The following ARHGEF26 variants were observed in gnomAD, a reference collection of about 807,000 sequenced individuals.
ARHGEF26 encodes the protein Rho guanine nucleotide exchange factor (GEF) 26.
ARHGEF26 carries 59 observed loss-of-function variants against 89.4 expected under a neutral mutation model. The ratio of observed to expected loss-of-function variants is 0.66; its 90% CI spans 0.54 to 0.82. The LOEUF (loss-of-function observed/expected upper bound fraction) is 0.82, where lower values mean the gene tolerates loss of function less well. Ranked by LOEUF, ARHGEF26 falls within the 40% of genes least tolerant of loss-of-function variation. The probability of loss-of-function intolerance (pLI) is 0.00; values close to 1 mark genes in which losing one functional copy is unlikely to be tolerated. For missense variants in ARHGEF26, 1,234 were observed against 1,085.6 expected (o/e 1.14, Z -1.92); for synonymous variants, 500 against 428.4 (o/e 1.17, Z -2.06).
intron 9 of ARHGEF26, among the ~76,000 whole-genome samples, chr3:154,215,869 A>G (rs558896365): frequency 1.5e-4 from 23 of 152,314 alleles, no homozygotes; most frequent in Middle Eastern, 3.4e-3. Flanking sequence ...TAGGATTTCA[A>G]CATGAATATG....
intron 6 of ARHGEF26, among the ~76,000 whole-genome samples, chr3:154,153,254 GAA>G (rs1307081536): frequency 2.6e-5 from 4 of 152,040 alleles, no homozygotes; most frequent in African/African-American, 9.7e-5. Context: ...TTTCAGTAAA[GAA>G]AGAGTAAGCC....
rs1012369998 is a variant in ARHGEF26, at chr3:154,153,874, A to G, written c.1487+942A>G. 8.5e-5 allele frequency among the ~76,000 whole-genome samples: 13 copies of G among 152,094 alleles called. 1 individual carries two copies. The highest frequency in any genetic ancestry group is 7.9e-4 in the Admixed American group (12 of 15,250). The stretch of plus-strand genomic sequence containing the variant: ...TTTTTACCTCTATCCTGGAGATTAT[A>G]GCATGTCTGCACATTAAAACTTTCC... On this transcript the variant is annotated intron_variant, in intron 6 of 14. Coordinates refer to ENST00000465093, the MANE Select transcript of ARHGEF26 (RefSeq NM_015595.4).
At chr3:154,200,251 G>C (rs1324567653) in intron 9 of ARHGEF26, among the ~76,000 whole-genome samples, 7 of 152,114 alleles carry the variant, frequency 4.6e-5, no homozygotes, top group African/African-American at 1.4e-4. Flanking sequence ...GTAAGAGATA[G>C]GGGTATAGTT....
chr3:154,122,742 C>A lies in ARHGEF26; in HGVS notation c.750C>A (p.Ile250=), dbSNP rs188991834. ...PAALKVGKQQ[I]IPKSLASEIK... ...CCCTCAAAGTGGGGAAGCAGCAGATCATTCCGAAGAGTCTGGCCTCGGAAA... is the reference window on the plus strand; with the variant it reads ...CCCTCAAAGTGGGGAAGCAGCAGATAATTCCGAAGAGTCTGGCCTCGGAAA... Residue 250 remains isoleucine, a synonymous_variant, in exon 2 of 15, where the codon ATC becomes ATA. Coordinates refer to ENST00000465093, the MANE Select transcript of ARHGEF26 (RefSeq NM_015595.4). 2.5e-6 allele frequency: 4 copies of A among 1,612,676 alleles called. No homozygotes were observed. The African/African-American group carries it at 4.0e-5, about 16-fold the overall frequency.
intron 10 of ARHGEF26, among the ~76,000 whole-genome samples, chr3:154,224,739 G>A (rs1716368225): frequency 6.6e-6 from 1 of 152,148 alleles, no homozygotes; most frequent in South Asian, 2.1e-4. Context: ...AGCCAGTTTT[G>A]AAAAGTTTGG....
intron 6 of ARHGEF26, among the ~76,000 whole-genome samples, chr3:154,175,430 T>A (rs1712749782): frequency 6.9e-6 from 1 of 145,458 alleles, no homozygotes; most frequent in Non-Finnish European, 1.5e-5. Flanking sequence ...TTCAAGCTAG[T>A]GTTAAAAAAA....
chr3:154,166,530 C>A (rs1403377337), intron 6 of ARHGEF26, among the ~76,000 whole-genome samples: 1 of 152,246 alleles, frequency 6.6e-6, no homozygotes, highest in East Asian at 1.9e-4. Flanking sequence ...AATTGTTGAA[C>A]AACATCTTTG....
At chr3:154,242,437 C>T (rs1408475889) in intron 12 of ARHGEF26, among the ~76,000 whole-genome samples, 2 of 152,164 alleles carry the variant, frequency 1.3e-5, no homozygotes, top group African/African-American at 2.4e-5. Context: ...ATGGAAATAG[C>T]GAGAGAACTA....
Position 154,210,595 on chromosome 3 carries a change from G to A in ARHGEF26, c.1846-7274G>A, listed in dbSNP as rs111687698. ...CTCCCAAAATGCTGGGATGACAGGC[G>A]TGAGCCACTGCACCTGGCCGCCAAT... On this transcript the variant is annotated intron_variant, in intron 9 of 14. Transcript: ENST00000465093. Among the ~76,000 whole-genome samples the A allele has an allele frequency of 2.9e-3, 438 of 151,880 alleles. 3 individuals carry two copies. Among genetic ancestry groups the A allele is most frequent in the African/African-American group, 9.8e-3 (405 of 41,478 alleles).
intron 12 of ARHGEF26, among the ~76,000 whole-genome samples, chr3:154,245,474 T>C (rs1251031832): frequency 6.6e-6 from 1 of 152,258 alleles, no homozygotes; most frequent in African/African-American, 2.4e-5. Flanking sequence ...ACTTCCTTTT[T>C]TGTTCCTTTG....
chr3:154,191,410 CTGATGGATGTAAGACA>C lies in ARHGEF26; in HGVS notation c.1766_1770+11del. 1 of 1,613,674 alleles carries C rather than the reference CTGATGGATGTAAGACA, an allele frequency of 6.2e-7. No individual in the cohort carries two copies. The highest frequency in any genetic ancestry group is 1.7e-5 in the Admixed American group (1 of 59,976). On this transcript the variant is annotated splice_donor_variant and splice_donor_5th_base_variant and coding_sequence_variant and intron_variant, in exon 8 of 15. Coordinates refer to ENST00000465093, the MANE Select transcript of ARHGEF26 (RefSeq NM_015595.4). LOFTEE classifies it high-confidence loss of function. Reference sequence around the variant, plus strand: ...GCAGAGGGTGACCCGCCTTCCCCTGCTGATGGATGTAAGACATGACGGTGGCTTTTTCCTCTGTGGA... The same window carrying C: ...GCAGAGGGTGACCCGCCTTCCCCTGCTGACGGTGGCTTTTTCCTCTGTGGA...
At chr3:154,143,223 A>G (rs1188216829) in intron 4 of ARHGEF26, among the ~76,000 whole-genome samples, 1 of 152,214 alleles carries the variant, frequency 6.6e-6, no homozygotes, top group East Asian at 1.9e-4. Context: ...CTATTCAATC[A>G]CTATTAACAT....
intron 2 of ARHGEF26, among the ~76,000 whole-genome samples, chr3:154,123,463 A>G (rs1208174227): frequency 6.6e-6 from 1 of 152,212 alleles, no homozygotes; most frequent in Non-Finnish European, 1.5e-5. Flanking sequence ...TAGAGGTTTC[A>G]GTCAATGATA....
intron 8 of ARHGEF26, 29 bp downstream of exon 8, chr3:154,191,447 G>C (rs1249099169): frequency 6.3e-7 from 1 of 1,599,710 alleles, no homozygotes; most frequent in Non-Finnish European, 8.5e-7. Flanking sequence ...TTTTTCCTCT[G>C]TGGATAGCTG....
intron 6 of ARHGEF26, among the ~76,000 whole-genome samples, chr3:154,166,778 A>G (rs1477422144): frequency 6.6e-6 from 1 of 152,150 alleles, no homozygotes; most frequent in Non-Finnish European, 1.5e-5. Flanking sequence ...ACAGTGGTTG[A>G]GAGGGTCCGC....
chr3:154,170,208 A>G (rs1027204337), intron 6 of ARHGEF26, among the ~76,000 whole-genome samples: 1 of 152,104 alleles, frequency 6.6e-6, no homozygotes, highest in Non-Finnish European at 1.5e-5. Context: ...CAAAAAATAC[A>G]AAAATTAACC....
intron 9 of ARHGEF26, among the ~76,000 whole-genome samples, chr3:154,205,792 C>A (rs1714981844): frequency 6.6e-6 from 1 of 152,146 alleles, no homozygotes; most frequent in African/African-American, 2.4e-5. Context: ...CTTTGTACCC[C>A]CACTTTTAAT....
intron 7 of ARHGEF26, 145 bp from the exon 8 acceptor site, chr3:154,191,144 A>T: frequency 3.6e-6 from 3 of 840,698 alleles, no homozygotes; most frequent in Non-Finnish European, 5.2e-6. Context: ...TTGCCAGTGT[A>T]ATTATGTGCT....
intron 6 of ARHGEF26, among the ~76,000 whole-genome samples, chr3:154,186,573 C>T (rs1317493238): frequency 4.6e-5 from 7 of 151,838 alleles, no homozygotes; most frequent in East Asian, 2.0e-4. Context: ...CCAGCCTGGC[C>T]GATATGGTGA....
Sources: allele counts gnomAD v4.1 joint callset (sites outside exome capture counted in the v4.1 genomes callset), GRCh38; gene constraint gnomAD v4.1.1; transcripts MANE v1.5; gene names NCBI Gene and HGNC (gene_info 2026-07-23, HGNC 2026-07-21).